Variants in MTMR7 observed in about 807,000 individuals in gnomAD.
The protein encoded by MTMR7 is myotubularin related protein 7, also known as phosphatidylinositol-3-phosphate phosphatase MTMR7.
A neutral mutation model predicts 81.2 loss-of-function variants in MTMR7; 76 were observed. The ratio of observed to expected loss-of-function variants is 0.94; its 90% confidence interval spans 0.78 to 1.13. The LOEUF is 1.13. MTMR7 is among the 50% of genes most tolerant of loss of function. MTMR7 has a pLI of 0.00. For missense variants in MTMR7, 1,044 were observed against 820.0 expected (o/e 1.27, Z -3.34); for synonymous variants, 372 against 289.8 (o/e 1.28, Z -2.88).
At chr8:17,366,387 A>T (rs1438217466) in intron 3 of MTMR7, among the ~76,000 whole-genome samples, 1 of 152,222 alleles carries the variant, frequency 6.6e-6, no homozygotes, top group African/African-American at 2.4e-5. Flanking sequence ...TAAATAATGT[A>T]ATATTAAAAT....
intron 1 of MTMR7, among the ~76,000 whole-genome samples, chr8:17,411,946 G>C (rs1175799838): frequency 6.6e-6 from 1 of 152,222 alleles, no homozygotes; most frequent in African/African-American, 2.4e-5. Flanking sequence ...CCCTTGGCAA[G>C]GGCAGAGTCC....
Position 17,298,714 on chromosome 8 carries a change from A to G in MTMR7, c.*1148T>C, listed in dbSNP as rs1370004874. 2 of 152,608 alleles carry G rather than the reference A, an allele frequency of 1.3e-5. No individual in the cohort carries two copies. Among genetic ancestry groups the G allele is most frequent in the African/African-American group, 4.8e-5 (2 of 41,460 alleles). The allele number at this position is 152,608 out of a possible 1,614,324, so 9.5% of individuals were successfully genotyped here. A position where few individuals can be genotyped will look rare whatever the true frequency, so the allele number is the denominator to read the frequency against. On this transcript the variant is annotated 3_prime_UTR_variant, in exon 14 of 14. Coordinates refer to ENST00000180173, the MANE Select transcript of MTMR7 (RefSeq NM_004686.5). ...GAATACCATTTATTTATGTCCAAAC[A>G]TGGCCACTTTTCCCCACTAAGTTTA...
intron 6 of MTMR7, among the ~76,000 whole-genome samples, chr8:17,338,543 T>C (rs949343389): frequency 1.3e-5 from 2 of 152,142 alleles, no homozygotes; most frequent in Admixed American, 6.5e-5. Context: ...TCTGTAACTA[T>C]TAGGAAATTC....
At position 17,388,137 on chromosome 8, in the gene MTMR7, G is replaced by A. The variant is rs191032135; in HGVS notation, c.25-14897C>T. On this transcript the variant is annotated intron_variant, in intron 1 of 13. Transcript: ENST00000180173. ...GCCAACGCTCATAAATAAAAATTCAGGCACTTGAGAATTTTGCAAAGGGCC... is the reference window on the plus strand; with the variant it reads ...GCCAACGCTCATAAATAAAAATTCAAGCACTTGAGAATTTTGCAAAGGGCC... Among the ~76,000 whole-genome samples, 160 of 152,240 alleles carry A rather than the reference G, an allele frequency of 1.1e-3. 1 individual carries two copies. Among genetic ancestry groups the A allele is most frequent in the Non-Finnish European group, 9.4e-4 (64 of 68,010 alleles).
At chr8:17,404,913 C>A (rs935209379) in intron 1 of MTMR7, among the ~76,000 whole-genome samples, 2 of 152,184 alleles carry the variant, frequency 1.3e-5, no homozygotes, top group African/African-American at 2.4e-5. Flanking sequence ...GCAACCTCTG[C>A]CTCCGAGGTT....
intron 3 of MTMR7, among the ~76,000 whole-genome samples, chr8:17,370,350 A>G (rs1820379950): frequency 6.6e-6 from 1 of 151,714 alleles, no homozygotes; most frequent in Non-Finnish European, 1.5e-5. Flanking sequence ...GCAAAACCCC[A>G]CCTCTACTAA....
intron 3 of MTMR7, among the ~76,000 whole-genome samples, chr8:17,366,455 G>C (rs2150561271): frequency 6.6e-6 from 1 of 152,246 alleles, no homozygotes; most frequent in South Asian, 2.1e-4. Context: ...CAGCAGAATG[G>C]GAAGGGTGGG....
At chr8:17,304,871 C>A (rs1233902426) in intron 11 of MTMR7, among the ~76,000 whole-genome samples, 1 of 151,944 alleles carries the variant, frequency 6.6e-6, no homozygotes, top group Non-Finnish European at 1.5e-5. Context: ...CTCATTTAAT[C>A]CTCACTGAGT....
At chr8:17,306,342 C>G (rs1313006082) in intron 10 of MTMR7, among the ~76,000 whole-genome samples, 1 of 151,820 alleles carries the variant, frequency 6.6e-6, no homozygotes, top group Non-Finnish European at 1.5e-5. Context: ...TAAGGCTCTT[C>G]ATTTTTTGCG....
At chr8:17,315,701 CTT>C (rs2150496683) in intron 7 of MTMR7, among the ~76,000 whole-genome samples, 1 of 151,978 alleles carries the variant, frequency 6.6e-6, no homozygotes, top group South Asian at 2.1e-4. Flanking sequence ...CCAGATGTCT[CTT>C]AAGAAAAAAA....
chr8:17,397,826 C>A (rs920570824), intron 1 of MTMR7, among the ~76,000 whole-genome samples: 3 of 152,122 alleles, frequency 2.0e-5, no homozygotes, highest in Non-Finnish European at 2.9e-5. Context: ...GTGGTGGCCA[C>A]AGGGGTACTT....
intron 1 of MTMR7, among the ~76,000 whole-genome samples, chr8:17,395,396 G>A (rs979723414): frequency 6.6e-6 from 1 of 152,140 alleles, no homozygotes; most frequent in Non-Finnish European, 1.5e-5. Context: ...ACCAGTATCT[G>A]TTTGTGTCCC....
At chr8:17,360,152 G>C (rs1349427959) in intron 4 of MTMR7, among the ~76,000 whole-genome samples, 2 of 152,164 alleles carry the variant, frequency 1.3e-5, no homozygotes. Flanking sequence ...CAATATGTAT[G>C]TGAAGAAAAG....
intron 5 of MTMR7, among the ~76,000 whole-genome samples, chr8:17,342,101 G>A (rs1989759): frequency 1.3e-5 from 2 of 151,376 alleles, no homozygotes; most frequent in Non-Finnish European, 2.9e-5. Flanking sequence ...ATTTTTTTTT[G>A]GAATCAATCT....
chr8:17,386,823 T>C lies in MTMR7; in HGVS notation c.25-13583A>G, dbSNP rs553516542. On this transcript the variant is annotated intron_variant, in intron 1 of 13. Coordinates refer to ENST00000180173, the MANE Select transcript of MTMR7 (RefSeq NM_004686.5). ...ATGATTTGGGTAGCTGGATTGGCAG[T>C]ACGCCACACACCAAAAAAACATACA... 7.8e-4 allele frequency among the ~76,000 whole-genome samples: 119 copies of C among 152,330 alleles called. 1 individual carries two copies. The highest frequency in any genetic ancestry group is 2.7e-3 in the African/African-American group (113 of 41,580).
chr8:17,315,912 C>T (rs1818043399), intron 7 of MTMR7, among the ~76,000 whole-genome samples: 1 of 152,094 alleles, frequency 6.6e-6, no homozygotes, highest in African/African-American at 2.4e-5. Context: ...ACTTGGGAGG[C>T]TGAGTTGAGA....
chr8:17,370,929 C>A lies in MTMR7; in HGVS notation c.310+108G>T, dbSNP rs954122307. ...TCCTCTCCTGAGAACGAGACTGACA[C>A]ATAATCCCTGAACCCCTATCATTCC... On this transcript the variant is annotated intron_variant, in intron 3 of 13. Coordinates refer to ENST00000180173, the MANE Select transcript of MTMR7 (RefSeq NM_004686.5). The A allele has an allele frequency of 1.1e-5, 13 of 1,145,628 alleles. No individual in the cohort carries two copies. In the African/African-American group the frequency reaches 2.0e-4, roughly 18 times the overall value. 71.0% of individuals were successfully genotyped at this position (1,145,628 alleles called of 1,614,324 possible).
chr8:17,363,999 T>G (rs1467479088), intron 3 of MTMR7, among the ~76,000 whole-genome samples: 5 of 148,618 alleles, frequency 3.4e-5, no homozygotes, highest in African/African-American at 1.2e-4. Flanking sequence ...CATATATTTC[T>G]GGGGTAAAAA....
At chr8:17,351,013 T>C (rs1819713473) in intron 4 of MTMR7, among the ~76,000 whole-genome samples, 2 of 152,170 alleles carry the variant, frequency 1.3e-5, no homozygotes, top group African/African-American at 4.8e-5. Context: ...CCCTCCCCCT[T>C]GCCAATCTGG....
Sources: allele counts gnomAD v4.1 joint callset (sites outside exome capture counted in the v4.1 genomes callset), GRCh38; gene constraint gnomAD v4.1.1; transcripts MANE v1.5; gene names NCBI Gene and HGNC (gene_info 2026-07-23, HGNC 2026-07-21).